The following SYBU variants were observed in gnomAD, a reference collection of about 807,000 sequenced individuals.
The protein encoded by SYBU is syntabulin.
In SYBU, 21 loss-of-function variants were observed where a neutral mutation model predicts 35.9. The ratio of observed to expected loss-of-function variants is 0.58; its 90% CI spans 0.41 to 0.84. The LOEUF is 0.84. Among genes scored for constraint, SYBU ranks in the 40% least tolerant of loss-of-function variants. The probability of loss-of-function intolerance (pLI) is 0.00; values close to 1 mark genes in which losing one functional copy is unlikely to be tolerated. For synonymous variants in SYBU, 319 were observed against 324.3 expected (o/e 0.98, Z 0.18); for missense variants, 768 against 848.2 (o/e 0.91, Z 1.17).
At position 109,680,372 on chromosome 8, in the gene SYBU, C is replaced by A. The variant is rs576671423; in HGVS notation, c.-129+339G>T. Among the ~76,000 whole-genome samples the A allele has an allele frequency of 3.6e-5, 3 of 83,220 alleles. No individual in the cohort carries two copies. In the East Asian group the frequency reaches 1.3e-3, roughly 37 times the overall value. The allele number at this position is 83,220 out of a possible 152,430, so 54.6% of individuals were successfully genotyped here. ...GATCAGAGAGACTCAGAGTGAAGAA[C>A]CGAAAGAAATTAGTTTTGTACAGTT... On this transcript the variant is annotated intron_variant, in intron 1 of 5. Transcript: ENST00000408889.
At chr8:109,596,083 A>G (rs1824843824) in intron 3 of SYBU, among the ~76,000 whole-genome samples, 1 of 152,178 alleles carries the variant, frequency 6.6e-6, no homozygotes, top group East Asian at 1.9e-4. Flanking sequence ...GCCCTTCTTG[A>G]TCTCCATTTA....
In SYBU at chr8:109,574,880, T is replaced by C. The variant is rs1396491336; in HGVS notation, c.*26A>G. On this transcript the variant is annotated 3_prime_UTR_variant, in exon 7 of 7. Transcript: ENST00000276646. ...CTGGCACAACCCACATGGGACACAT[T>C]GGCACACGGTAACAACAACTTCTAT... The C allele has an allele frequency of 6.6e-7, 1 of 1,510,370 alleles. No individual in the cohort carries two copies. Among genetic ancestry groups the C allele is most frequent in the Non-Finnish European group, 8.9e-7 (1 of 1,129,468 alleles). 93.6% of individuals were successfully genotyped at this position (1,510,370 alleles called of 1,614,324 possible).
chr8:109,576,090 C>A, intron 6 of SYBU, 77 bp from the exon 7 acceptor site: 1 of 1,420,750 alleles, frequency 7.0e-7, no homozygotes, highest in Non-Finnish European at 9.2e-7. Flanking sequence ...GGGCAACAGG[C>A]AGTTCAGGCA....
chr8:109,653,738 C>T (rs999952265), intron 1 of SYBU, among the ~76,000 whole-genome samples: 3 of 152,128 alleles, frequency 2.0e-5, no homozygotes, highest in Non-Finnish European at 4.4e-5. Context: ...ATGGCCATTT[C>T]TCCTGATTGA....
chr8:109,643,989 CTT>C (rs752217056), intron 1 of SYBU: 22 of 404,972 alleles, frequency 5.4e-5, no homozygotes, highest in Admixed American at 5.0e-4. Flanking sequence ...GAAAGGGACT[CTT>C]TGGCTTAGGT....
At chr8:109,662,001 C>T (rs1011544072) in intron 1 of SYBU, among the ~76,000 whole-genome samples, 38 of 152,224 alleles carry the variant, frequency 2.5e-4, no homozygotes, top group African/African-American at 9.2e-4. Flanking sequence ...CACCTGGGTG[C>T]TGTTATCCCA....
intron 3 of SYBU, among the ~76,000 whole-genome samples, chr8:109,610,115 G>A (rs1811006910): frequency 6.6e-6 from 1 of 151,940 alleles, no homozygotes; most frequent in South Asian, 2.1e-4. Context: ...CTTAAGCACG[G>A]AACAATAAGG....
intron 3 of SYBU, among the ~76,000 whole-genome samples, chr8:109,612,501 T>C (rs1341798110): frequency 1.3e-5 from 2 of 152,226 alleles, no homozygotes; most frequent in Non-Finnish European, 2.9e-5. Flanking sequence ...ATCTTCCCGT[T>C]AGCACTAAAA....
chr8:109,616,781 T>G (rs1811844597), intron 3 of SYBU, among the ~76,000 whole-genome samples: 1 of 152,118 alleles, frequency 6.6e-6, no homozygotes, highest in Admixed American at 6.5e-5. Context: ...CCTTTGCTGT[T>G]GAGGTCAACA....
intron 1 of SYBU, among the ~76,000 whole-genome samples, chr8:109,690,359 A>G (rs1297094311): frequency 6.6e-6 from 1 of 152,198 alleles, no homozygotes; most frequent in African/African-American, 2.4e-5. Context: ...AAAGGCAAAC[A>G]TTCCTAACAT....
intron 2 of SYBU, among the ~76,000 whole-genome samples, chr8:109,629,133 C>A (rs1185052248): frequency 3.9e-5 from 6 of 152,112 alleles, no homozygotes; most frequent in Admixed American, 2.6e-4. Flanking sequence ...CAAAGGGATG[C>A]AGAAGCCCAA....
intron 1 of SYBU, among the ~76,000 whole-genome samples, chr8:109,667,466 A>G (rs1280805539): frequency 6.6e-6 from 1 of 152,056 alleles, no homozygotes; most frequent in Non-Finnish European, 1.5e-5. Context: ...CAAGAATATT[A>G]AAACACCATT....
intron 3 of SYBU, among the ~76,000 whole-genome samples, chr8:109,604,074 G>C (rs991450468): frequency 8.5e-5 from 13 of 152,152 alleles, no homozygotes; most frequent in African/African-American, 3.1e-4. Context: ...AATAAAGAAA[G>C]AGAGGAGAGA....
rs373161139 is a variant in SYBU, at chr8:109,574,877, C to T, written c.*29G>A. 2.9e-5 allele frequency: 44 copies of T among 1,510,508 alleles called. No individual in the cohort carries two copies. Among genetic ancestry groups the T allele is most frequent in the Non-Finnish European group, 3.8e-5 (43 of 1,129,466 alleles). The allele number at this position is 1,510,508 out of a possible 1,614,324, so 93.6% of individuals were successfully genotyped here. A position where few individuals can be genotyped will look rare whatever the true frequency, so the allele number is the denominator to read the frequency against. On this transcript the variant is annotated 3_prime_UTR_variant, in exon 7 of 7. Transcript: ENST00000276646. Reference sequence around the variant, plus strand: ...TACCTGGCACAACCCACATGGGACACATTGGCACACGGTAACAACAACTTC... The same window carrying T: ...TACCTGGCACAACCCACATGGGACATATTGGCACACGGTAACAACAACTTC...
intron 3 of SYBU, among the ~76,000 whole-genome samples, chr8:109,605,129 C>G (rs1302204318): frequency 2.0e-5 from 3 of 152,172 alleles, no homozygotes; most frequent in Non-Finnish European, 4.4e-5. Context: ...AATATCATGA[C>G]AGAAGCACCA....
chr8:109,612,066 G>A (rs773433283), intron 3 of SYBU, among the ~76,000 whole-genome samples: 4 of 152,134 alleles, frequency 2.6e-5, no homozygotes, highest in African/African-American at 4.8e-5. Flanking sequence ...CTATGGCCGC[G>A]GTTAAGAGTT....
intron 2 of SYBU, among the ~76,000 whole-genome samples, chr8:109,620,286 A>G (rs73317082): frequency 0.096 from 14,677 of 152,236 alleles, 850 homozygotes; most frequent in South Asian, 0.23. Flanking sequence ...TCATTAGACA[A>G]AGAACAAATA....
intron 3 of SYBU, among the ~76,000 whole-genome samples, chr8:109,604,986 G>T (rs1825922707): frequency 6.6e-6 from 1 of 152,164 alleles, no homozygotes; most frequent in African/African-American, 2.4e-5. Context: ...CAGTTTCCCT[G>T]AATAATGTTG....
chr8:109,619,779 C>T (rs184322193), intron 2 of SYBU, among the ~76,000 whole-genome samples: 4 of 152,254 alleles, frequency 2.6e-5, no homozygotes, highest in Non-Finnish European at 5.9e-5. Flanking sequence ...CTTGACCCAT[C>T]AATTGGTTAA....
Sources: allele counts gnomAD v4.1 joint callset (sites outside exome capture counted in the v4.1 genomes callset), GRCh38; gene constraint gnomAD v4.1.1; transcripts MANE v1.5; gene names NCBI Gene and HGNC (gene_info 2026-07-23, HGNC 2026-07-21).